The following UBE2E2 variants were observed in gnomAD, a reference collection of about 807,000 sequenced individuals.
The protein encoded by UBE2E2 is ubiquitin conjugating enzyme E2 E2, also known as ubiquitin-conjugating enzyme E2 E2.
UBE2E2 carries 6 observed loss-of-function variants against 24.7 expected under a neutral mutation model. The observed-to-expected ratio is 0.24, with a 90% CI of 0.13 to 0.48. UBE2E2 has a LOEUF of 0.48. Ranked by LOEUF, UBE2E2 falls within the 20% of genes least tolerant of loss-of-function variation. The pLI, the probability that UBE2E2 is intolerant of heterozygous loss-of-function variation, is 0.99. For missense variants in UBE2E2, 169 were observed against 245.0 expected, an observed-to-expected ratio of 0.69 and a Z score of 2.07; for synonymous variants, 104 against 83.6, an observed-to-expected ratio of 1.24 and a Z score of -1.33.
At chr3:23,535,429 C>A (rs184250026) in intron 5 of UBE2E2, among the ~76,000 whole-genome samples, 1 of 151,936 alleles carries the variant, frequency 6.6e-6, no homozygotes, top group African/African-American at 2.4e-5. Flanking sequence ...ATTTTACAAT[C>A]GAAAAAAGCT....
chr3:23,299,477 T>C (rs1013893925), intron 3 of UBE2E2, among the ~76,000 whole-genome samples: 6 of 151,870 alleles, frequency 4.0e-5, no homozygotes, highest in Non-Finnish European at 8.8e-5. Flanking sequence ...GATTCTGGTA[T>C]GTTGTGTCTT....
At chr3:23,322,853 G>A (rs762068011) in intron 3 of UBE2E2, among the ~76,000 whole-genome samples, 9 of 151,590 alleles carry the variant, frequency 5.9e-5, no homozygotes, top group Non-Finnish European at 1.3e-4. Flanking sequence ...GCATTAATTT[G>A]GTATCTATAA....
rs1044984351 is a variant in UBE2E2, at chr3:23,564,349, A to T, written c.509-25385A>T. Among the ~76,000 whole-genome samples the T allele has an allele frequency of 5.3e-5, 8 of 152,318 alleles. No individual in the cohort carries two copies. In the East Asian group the frequency reaches 1.5e-3, roughly 29 times the overall value. ...GGTGGAGCTGTTTTAAGCATTCATTAAATCTCTCAGTGCAAGGGGATGAAT... is the reference window on the plus strand; with the variant it reads ...GGTGGAGCTGTTTTAAGCATTCATTTAATCTCTCAGTGCAAGGGGATGAAT... On this transcript the variant is annotated intron_variant, in intron 5 of 5. Transcript: ENST00000396703.
chr3:23,504,021 T>C (rs1694371333), intron 4 of UBE2E2, among the ~76,000 whole-genome samples: 1 of 152,056 alleles, frequency 6.6e-6, no homozygotes, highest in African/African-American at 2.4e-5. Context: ...AAAATTTGCC[T>C]GTAATCTCCC....
intron 3 of UBE2E2, among the ~76,000 whole-genome samples, chr3:23,478,447 T>C (rs1258617966): frequency 2.6e-5 from 4 of 152,196 alleles, no homozygotes; most frequent in African/African-American, 9.7e-5. Flanking sequence ...GATAGTGATA[T>C]TCAAAAGAAA....
rs547347630 is a variant in UBE2E2 at position 23,440,379 on chromosome 3, A to G, written c.228-59229A>G. 5.3e-5 allele frequency among the ~76,000 whole-genome samples: 8 copies of G among 152,352 alleles called. No homozygotes were observed. In the East Asian group the frequency reaches 1.5e-3, roughly 29 times the overall value. On this transcript the variant is annotated intron_variant, in intron 3 of 5. Transcript: ENST00000396703. ...CATCTCGTCCTCCCAAAGTGCTGAG[A>G]TTACAGGCATGGGCCATTGTACCCG...
chr3:23,233,914 G>A (rs1697032673), intron 3 of UBE2E2, among the ~76,000 whole-genome samples: 1 of 152,018 alleles, frequency 6.6e-6, no homozygotes, highest in Non-Finnish European at 1.5e-5. Context: ...ACTAAATTCA[G>A]GGTTTAAATA....
At chr3:23,379,779 G>A (rs992363388) in intron 3 of UBE2E2, among the ~76,000 whole-genome samples, 6 of 152,230 alleles carry the variant, frequency 3.9e-5, no homozygotes, top group Admixed American at 2.6e-4. Context: ...TGACCTTTAC[G>A]TTGAAATTCT....
At chr3:23,251,858 C>T (rs965282440) in intron 3 of UBE2E2, among the ~76,000 whole-genome samples, 4 of 152,186 alleles carry the variant, frequency 2.6e-5, no homozygotes, top group African/African-American at 7.2e-5. Context: ...TATACCCATA[C>T]ATTTATAGGC....
chr3:23,320,593 A>G (rs942894648), intron 3 of UBE2E2, among the ~76,000 whole-genome samples: 1 of 152,164 alleles, frequency 6.6e-6, no homozygotes, highest in African/African-American at 2.4e-5. Context: ...ATCGTCTTTT[A>G]GTTAACATAA....
rs1222276315 is a variant in UBE2E2 at position 23,271,129 on chromosome 3, A to G, written c.227+53817A>G. ...TGGACCTTGAGTTTCAGAAACTTGT[A>G]TTCTAATGGACCTTCAAAAGATGGC... is the stretch of plus-strand genomic sequence containing the variant. On this transcript the variant is annotated intron_variant, in intron 3 of 5. Coordinates refer to ENST00000396703, the MANE Select transcript of UBE2E2 (RefSeq NM_152653.4). 1.4e-5 allele frequency: 6 copies of G among 431,458 alleles called. No individual in the cohort carries two copies. The East Asian group carries it at 4.2e-4, about 30-fold the overall frequency. The allele number at this position is 431,458 out of a possible 1,614,324, so 26.7% of individuals were successfully genotyped here.
chr3:23,379,630 A>C (rs1009019372), intron 3 of UBE2E2, among the ~76,000 whole-genome samples: 7 of 151,488 alleles, frequency 4.6e-5, no homozygotes, highest in African/African-American at 7.3e-5. Flanking sequence ...ACATTTTCTT[A>C]ATCCAGTCTA....
rs1695722174 is a variant in UBE2E2, at chr3:23,554,334, A to C, written c.508+21633A>C. On this transcript the variant is annotated intron_variant, in intron 5 of 5. Coordinates refer to ENST00000396703, the MANE Select transcript of UBE2E2 (RefSeq NM_152653.4). ...TCTCTTCAAATAAATGATTCCGGGG[A>C]AACTGGATTGCCACATGTAAAAGAA... Among the ~76,000 whole-genome samples, 4 of 152,206 alleles carry C rather than the reference A, an allele frequency of 2.6e-5. No homozygotes were observed. In the South Asian group the frequency reaches 8.3e-4, roughly 32 times the overall value.
At chr3:23,273,279 C>T (rs1352321402) in intron 3 of UBE2E2, among the ~76,000 whole-genome samples, 1 of 152,168 alleles carries the variant, frequency 6.6e-6, no homozygotes, top group East Asian at 1.9e-4. Flanking sequence ...GTGGCTCACG[C>T]CTGTAATCCC....
chr3:23,565,185 G>T (rs1239501732), intron 5 of UBE2E2, among the ~76,000 whole-genome samples: 1 of 152,048 alleles, frequency 6.6e-6, no homozygotes, highest in Non-Finnish European at 1.5e-5. Flanking sequence ...CATCCCTCTG[G>T]GAGAGATGAC....
chr3:23,246,848 T>G (rs1201462894), intron 3 of UBE2E2, among the ~76,000 whole-genome samples: 4 of 152,186 alleles, frequency 2.6e-5, no homozygotes, highest in Non-Finnish European at 5.9e-5. Flanking sequence ...ATTTGGTTAT[T>G]TATTAAGTAA....
intron 4 of UBE2E2, among the ~76,000 whole-genome samples, chr3:23,520,254 C>A (rs1476016483): frequency 6.6e-6 from 1 of 152,074 alleles, no homozygotes; most frequent in African/African-American, 2.4e-5. Context: ...CAACCTATGT[C>A]TGTTTCTTAG....
At chr3:23,586,329 C>G (rs140635307) in intron 5 of UBE2E2, among the ~76,000 whole-genome samples, 234 of 152,234 alleles carry the variant, frequency 1.5e-3, no homozygotes, top group African/African-American at 5.4e-3. Flanking sequence ...GAGTCTTGCT[C>G]TGTCACCCAG....
chr3:23,324,939 A>G (rs1435618889), intron 3 of UBE2E2, among the ~76,000 whole-genome samples: 3 of 152,178 alleles, frequency 2.0e-5, no homozygotes, highest in African/African-American at 4.8e-5. Context: ...TTGTGGTTTT[A>G]TGTCTGTTCA....
Sources: allele counts gnomAD v4.1 joint callset (sites outside exome capture counted in the v4.1 genomes callset), GRCh38; gene constraint gnomAD v4.1.1; transcripts MANE v1.5; gene names NCBI Gene and HGNC (gene_info 2026-07-23, HGNC 2026-07-21).